The following PPARG variants were observed in gnomAD, a reference collection of about 807,000 sequenced individuals.
PPARG encodes peroxisome proliferator-activated receptor gamma.
PPARG carries 17 observed loss-of-function variants against 39.2 expected under a neutral mutation model. The observed-to-expected ratio is 0.43, with a 90% CI of 0.30 to 0.65. PPARG has a LOEUF of 0.65. PPARG is among the 30% of genes least tolerant of loss of function. PPARG has a pLI of 0.13. For missense variants in PPARG, 406 were observed against 585.9 expected, an observed-to-expected ratio of 0.69 and a Z score of 3.17; for synonymous variants, 223 against 215.7, an observed-to-expected ratio of 1.03 and a Z score of -0.30.
In PPARG at chr3:12,428,746, C is replaced by T. The variant is rs1201120913; in HGVS notation, c.1181-5152C>T. On this transcript the variant is annotated intron_variant, in intron 7 of 7. Coordinates refer to ENST00000651735, the MANE Select transcript of PPARG (RefSeq NM_138711.6). ...GAACAACCCTGGCAGATCCATTTTG[C>T]CCTTGACTAGAGCTTAAAGACCAAA... Among the ~76,000 whole-genome samples, 3 of 152,238 alleles carry T rather than the reference C, an allele frequency of 2.0e-5. No homozygotes were observed. The East Asian group carries it at 5.8e-4, about 29-fold the overall frequency.
chr3:12,406,153 T>A (rs983566208), intron 6 of PPARG, 72 bp downstream of exon 6: 1 of 1,389,308 alleles, frequency 7.2e-7, no homozygotes, highest in Admixed American at 1.9e-5. Flanking sequence ...TTTGAGTAAA[T>A]GGTTTACTGC....
chr3:12,311,040 G>T (rs1162289718), intron 1 of PPARG, among the ~76,000 whole-genome samples: 4 of 152,142 alleles, frequency 2.6e-5, no homozygotes, highest in Non-Finnish European at 2.9e-5. Flanking sequence ...TCTTTCTAAA[G>T]AAGAACATGT....
intron 4 of PPARG, among the ~76,000 whole-genome samples, chr3:12,392,033 A>T (rs1182992273): frequency 6.6e-6 from 1 of 152,168 alleles, no homozygotes; most frequent in African/African-American, 2.4e-5. Context: ...TGTTATTCCC[A>T]TAGTCTCTTT....
chr3:12,411,094 A>G (rs530469972), intron 6 of PPARG, among the ~76,000 whole-genome samples: 2 of 152,344 alleles, frequency 1.3e-5, no homozygotes, highest in South Asian at 2.1e-4. Context: ...TTCTATTGCC[A>G]GGACTGTCAG....
chr3:12,288,286 T>G (rs1273419579), upstream of PPARG, among the ~76,000 whole-genome samples: 1 of 151,346 alleles, frequency 6.6e-6, no homozygotes, highest in Non-Finnish European at 1.5e-5. Flanking sequence ...GAAGGGGTCT[T>G]GGGCTGAGGG....
chr3:12,393,190 ATTTTTTT>A (rs143287325), intron 5 of PPARG, among the ~76,000 whole-genome samples: 3 of 111,520 alleles, frequency 2.7e-5, no homozygotes, highest in South Asian at 3.1e-4. Context: ...GATTCATTTA[ATTTTTTT>A]TTTTTTTTTT....
intron 2 of PPARG, among the ~76,000 whole-genome samples, chr3:12,333,589 G>A (rs1323657656): frequency 3.3e-5 from 5 of 152,018 alleles, no homozygotes; most frequent in Admixed American, 6.6e-5. Context: ...GTGCCATCTC[G>A]CTATGGAACC....
intron 2 of PPARG, among the ~76,000 whole-genome samples, chr3:12,375,691 C>T (rs1559513552): frequency 6.6e-6 from 1 of 152,138 alleles, no homozygotes; most frequent in Non-Finnish European, 1.5e-5. Context: ...AAACAAAGGA[C>T]ACAGTTGGAT....
At chr3:12,320,586 G>A (rs1013013421) in intron 2 of PPARG, among the ~76,000 whole-genome samples, 2 of 152,174 alleles carry the variant, frequency 1.3e-5, no homozygotes, top group Non-Finnish European at 2.9e-5. Context: ...AATCCCAGGA[G>A]TTTGGGAGGC....
intron 6 of PPARG, among the ~76,000 whole-genome samples, chr3:12,416,285 A>G (rs1480156421): frequency 1.3e-5 from 2 of 152,238 alleles, no homozygotes; most frequent in Non-Finnish European, 2.9e-5. Context: ...AGGCTGAGGC[A>G]CAAGAATTGC....
intron 2 of PPARG, among the ~76,000 whole-genome samples, chr3:12,316,952 A>C (rs752746039): frequency 5.3e-5 from 8 of 152,202 alleles, no homozygotes; most frequent in Non-Finnish European, 1.0e-4. Flanking sequence ...GTGAGGGAGA[A>C]AAGGGTTTAG....
At chr3:12,426,470 C>T (rs1359337002) in intron 7 of PPARG, among the ~76,000 whole-genome samples, 1 of 151,846 alleles carries the variant, frequency 6.6e-6, no homozygotes, top group Admixed American at 6.6e-5. Flanking sequence ...GCCCTGCTAG[C>T]GTTCTTATAA....
chr3:12,408,210 T>C (rs2050740505), intron 6 of PPARG, among the ~76,000 whole-genome samples: 1 of 152,202 alleles, frequency 6.6e-6, no homozygotes, highest in South Asian at 2.1e-4. Flanking sequence ...CATGATTGTT[T>C]TTTCTCAATT....
chr3:12,306,229 AGTTC>A (rs2047059706), intron 1 of PPARG, among the ~76,000 whole-genome samples: 1 of 152,230 alleles, frequency 6.6e-6, no homozygotes, highest in Non-Finnish European at 1.5e-5. Context: ...TCACATGCAC[AGTTC>A]ACAATAGGGT....
At chr3:12,374,404 G>A (rs932539225) in intron 2 of PPARG, among the ~76,000 whole-genome samples, 1 of 152,030 alleles carries the variant, frequency 6.6e-6, no homozygotes, top group Non-Finnish European at 1.5e-5. Context: ...TTCAAGACCA[G>A]CCTGGCCAAC....
intron 7 of PPARG, 52 bp from the exon 8 acceptor site, chr3:12,433,846 G>C: frequency 6.2e-7 from 1 of 1,612,534 alleles, no homozygotes; most frequent in Non-Finnish European, 8.5e-7. Context: ...GCGGGGCCCA[G>C]AGGATTTTTT....
At chr3:12,399,868 T>A (rs76643909) in intron 5 of PPARG, among the ~76,000 whole-genome samples, 1 of 149,192 alleles carries the variant, frequency 6.7e-6, no homozygotes, top group African/African-American at 2.5e-5. Flanking sequence ...TGTGTGCCTG[T>A]GGGCCCAGCC....
At chr3:12,328,729 G>T (rs1344308421) in intron 2 of PPARG, among the ~76,000 whole-genome samples, 4 of 152,196 alleles carry the variant, frequency 2.6e-5, no homozygotes, top group African/African-American at 9.6e-5. Context: ...ATGGGCTCTT[G>T]CCCTCTTCTC....
chr3:12,313,582 C>T lies in PPARG; in HGVS notation c.-9+1129C>T, dbSNP rs141947787. ...AATCCGAGATATTTCTGGTCCCAAA[C>T]ATTTTGGATAAGAGATACTCAATCT... On this transcript the variant is annotated intron_variant, in intron 2 of 7. Transcript: ENST00000651735. Among the ~76,000 whole-genome samples, 451 of 152,252 alleles carry T rather than the reference C, an allele frequency of 3.0e-3. 2 individuals carry two copies. Among genetic ancestry groups the T allele is most frequent in the African/African-American group, 9.7e-3 (405 of 41,554 alleles).
Sources: allele counts gnomAD v4.1 joint callset (sites outside exome capture counted in the v4.1 genomes callset), GRCh38; gene constraint gnomAD v4.1.1; transcripts MANE v1.5; gene names NCBI Gene and HGNC (gene_info 2026-07-23, HGNC 2026-07-21).